TMEM171: variants seen among roughly 807,000 people sequenced by gnomAD.
TMEM171 encodes the protein transmembrane protein 171.
Under a neutral mutation model 19.1 loss-of-function variants are expected in TMEM171, and 16 were observed. The ratio of observed to expected loss-of-function variants is 0.84; its 90% CI spans 0.57 to 1.27. The LOEUF is 1.27. TMEM171 is among the 50% of genes most tolerant of loss of function. The probability of loss-of-function intolerance (pLI) is 0.00; values close to 1 mark genes in which losing one functional copy is unlikely to be tolerated. For missense variants in TMEM171, 429 were observed against 412.7 expected (o/e 1.04, Z -0.34); for synonymous variants, 153 against 163.4 (o/e 0.94, Z 0.48).
At chr5:73,128,582 A>T (rs1217414713) in intron 3 of TMEM171, 51 bp downstream of exon 3, 2 of 1,603,842 alleles carry the variant, frequency 1.2e-6, no homozygotes, top group African/African-American at 2.7e-5. Flanking sequence ...AGGCCACACT[A>T]GTATTAAGGC....
chr5:73,125,729 G>A (rs1744145109), intron 2 of TMEM171, among the ~76,000 whole-genome samples: 1 of 152,212 alleles, frequency 6.6e-6, no homozygotes, highest in African/African-American at 2.4e-5. Context: ...CCACCTGGTA[G>A]CTGGAATCAG....
At chr5:73,127,966 A>T (rs551764403) in intron 2 of TMEM171, among the ~76,000 whole-genome samples, 1 of 152,180 alleles carries the variant, frequency 6.6e-6, no homozygotes, top group Admixed American at 6.5e-5. Context: ...GCTGGTCTCC[A>T]ACTCCTGGGC....
intron 2 of TMEM171, among the ~76,000 whole-genome samples, chr5:73,127,379 AAAAAAATATATAT>A (rs1456007630): frequency 3.4e-5 from 3 of 88,566 alleles, no homozygotes; most frequent in African/African-American, 1.4e-4. Context: ...TAAAAAAAAA[AAAAAAATATATAT>A]ATATATATAT....
chr5:73,123,899 T>C lies in TMEM171; in HGVS notation c.526T>C (p.Cys176Arg). The change falls in exon 2 of 4, where the codon TGT becomes CGT. Residue 176 changes from cysteine (C) to arginine (R), a missense_variant. Transcript: ENST00000454765. Reference protein sequence around the residue: ...MGPLIVLVGLCFFVVAHVKKR... With the variant: ...MGPLIVLVGLRFFVVAHVKKR... ...GCCCTTGATTGTGCTTGTGGGATTG[T>C]GTTTCTTCGTGGTTGCCCATGTTAA... The C allele has an allele frequency of 6.2e-7, 1 of 1,614,070 alleles. No homozygotes were observed. Among genetic ancestry groups the C allele is most frequent in the Non-Finnish European group, 8.5e-7 (1 of 1,179,988 alleles).
In TMEM171 at chr5:73,128,049, C is replaced by A. The variant is rs185907612; in HGVS notation, c.641-341C>A. 3.4e-3 allele frequency among the ~76,000 whole-genome samples: 524 copies of A among 152,206 alleles called. 3 individuals carry two copies. The highest frequency in any genetic ancestry group is 0.012 in the African/African-American group (497 of 41,522). On this transcript the variant is annotated intron_variant, in intron 2 of 3. Transcript: ENST00000454765. ...TGTGAGCCACTGCACCCAGCCAAAC[C>A]GTTTTTAAATGGTTTAGTGGCATTG...
Position 73,128,458 on chromosome 5 carries a change from G to A in TMEM171, c.709G>A (p.Ala237Thr), listed in dbSNP as rs186159238. Reference protein sequence around the residue: ...YFPESSASAVAESPGTNSLLP... With the variant: ...YFPESSASAVTESPGTNSLLP... ...TCCTGAATCTTCAGCTTCTGCGGTC[G>A]CTGAGAGTCCTGGAACTAACAGTCT... The change falls in exon 3 of 4, where the codon GCT becomes ACT. Residue 237 changes from alanine to threonine, a missense_variant. Ala to Thr is a moderately conservative substitution (Grantham distance 58). Transcript: ENST00000454765. 679 of 1,613,948 alleles carry A rather than the reference G, an allele frequency of 4.2e-4. 5 individuals are homozygous for A. Among genetic ancestry groups the A allele is most frequent in the South Asian group, 3.9e-3 (354 of 91,064 alleles).
chr5:73,127,384 A>AAAAAAAATATATATATATATATAT, intron 2 of TMEM171, among the ~76,000 whole-genome samples: 4 of 81,692 alleles, frequency 4.9e-5, no homozygotes, highest in African/African-American at 2.6e-4. Flanking sequence ...AAAAAAAAAA[A>AAAAAAAATATATATATATATATAT]ATATATATAT....
Position 73,123,586 on chromosome 5 carries a change from T to C in TMEM171, c.213T>C (p.Leu71=). Residue 71 remains leucine (L), a synonymous_variant, in exon 2 of 4, where the codon CTT becomes CTC. Transcript: ENST00000454765. The part of the protein sequence containing the change: ...VAGPACAVVG[L]GAVILARSRA... Reference sequence around the variant, plus strand: ...GGCCTGCATGTGCCGTGGTTGGGCTTGGGGCTGTGATCCTGGCCCGCTCCC... The same window carrying C: ...GGCCTGCATGTGCCGTGGTTGGGCTCGGGGCTGTGATCCTGGCCCGCTCCC... The C allele has an allele frequency of 6.2e-7, 1 of 1,614,218 alleles. No homozygotes were observed. Among genetic ancestry groups the C allele is most frequent in the Non-Finnish European group, 8.5e-7 (1 of 1,180,042 alleles).
chr5:73,126,654 A>C (rs1273044282), intron 2 of TMEM171, among the ~76,000 whole-genome samples: 2 of 152,058 alleles, frequency 1.3e-5, no homozygotes, highest in Non-Finnish European at 2.9e-5. Flanking sequence ...CCTGGCCTGC[A>C]GTTTACAGCT....
chr5:73,127,384 A>AAAATATATAT lies in TMEM171; in HGVS notation c.641-1005_641-1004insAATATATATA. On this transcript the variant is annotated intron_variant, in intron 2 of 3. Coordinates refer to ENST00000454765, the MANE Select transcript of TMEM171 (RefSeq NM_173490.8). ...AAATTTGTGGTAAAAAAAAAAAAAA[A>AAAATATATAT]ATATATATATATATATATATATAAA... 1.1e-4 allele frequency among the ~76,000 whole-genome samples: 9 copies of AAAATATATAT among 81,678 alleles called. No individual in the cohort carries two copies. The South Asian group carries it at 2.2e-3, about 20-fold the overall frequency. 53.6% of individuals were successfully genotyped at this position (81,678 alleles called of 152,430 possible). A position where few individuals can be genotyped will look rare whatever the true frequency, so the allele number is the denominator to read the frequency against.
chr5:73,123,629 C>G lies in TMEM171; in HGVS notation c.256C>G (p.Arg86Gly), dbSNP rs637450. ...CCGCTCCCGGGCGCAACTTCAGCTC[C>G]GTGCAGGGCTGCAGAGAGGTCAGCA... ...LARSRAQLQL[R>G]AGLQRGQQMD... is the part of the protein sequence containing the mutation. Residue 86 changes from arginine to glycine, a missense_variant, in exon 2 of 4, where the codon CGT (arginine) becomes GGT (glycine). Coordinates refer to ENST00000454765, the MANE Select transcript of TMEM171 (RefSeq NM_173490.8). The G allele has an allele frequency of 0.28, 454,144 of 1,613,726 alleles. 69,746 individuals are homozygous for G. The highest frequency in any genetic ancestry group is 0.57 in the East Asian group (25,647 of 44,840).
rs765278051 is a variant in TMEM171, at chr5:73,123,605, C to A, written c.232C>A (p.Arg78Ser). ...TGGGCTTGGGGCTGTGATCCTGGCC[C>A]GCTCCCGGGCGCAACTTCAGCTCCG... ...VVGLGAVILA[R>S]SRAQLQLRAG... Residue 78 changes from arginine (R) to serine (S), a missense_variant, in exon 2 of 4, where the codon CGC becomes AGC. Arg to Ser is a moderately radical substitution (Grantham distance 110). Transcript: ENST00000454765. 2.1e-5 allele frequency: 34 copies of A among 1,614,096 alleles called. 1 individual carries two copies. The South Asian group carries it at 3.5e-4, about 17-fold the overall frequency.
chr5:73,123,998 G>A lies in TMEM171; in HGVS notation c.625G>A (p.Val209Ile). The A allele has an allele frequency of 1.3e-6, 2 of 1,557,952 alleles. No homozygotes were observed. Among genetic ancestry groups the A allele is most frequent in the Non-Finnish European group, 1.7e-6 (2 of 1,154,360 alleles). Residue 209 changes from valine to isoleucine, a missense_variant, in exon 2 of 4, where the codon GTC (valine) becomes ATC (isoleucine). Physicochemically the swap from Val to Ile is conservative, Grantham distance 29. Transcript: ENST00000454765. ...GGGACAGATCCAGATTATGGAGCCT[G>A]TCCAGGTCACTGTAGGTGGGTTGCT... ...EEGQIQIMEP[V>I]QVTVGDSVII...
rs1473011466 is a variant in TMEM171, at chr5:73,120,771, C to G, written c.-69+75C>G. The G allele has an allele frequency of 5.1e-6, 5 of 982,088 alleles. No individual in the cohort carries two copies. In the Admixed American group the frequency reaches 2.5e-4, roughly 49 times the overall value. The allele number at this position is 982,088 out of a possible 1,614,324, so 60.8% of individuals were successfully genotyped here. The stretch of plus-strand genomic sequence containing the variant: ...CTGAGCTGTGCGGCCAGGCTGGGCG[C>G]GGGGAGCCGCGGCAGCGCGGAGGCG... On this transcript the variant is annotated intron_variant, in intron 1 of 3. Transcript: ENST00000454765.
intron 1 of TMEM171, among the ~76,000 whole-genome samples, chr5:73,122,080 C>G (rs762097068): frequency 6.6e-6 from 1 of 152,210 alleles, no homozygotes; most frequent in Non-Finnish European, 1.5e-5. Context: ...AAGTACAGGG[C>G]TTGGGTGATT....
intron 2 of TMEM171, among the ~76,000 whole-genome samples, chr5:73,126,057 A>G (rs527847628): frequency 1.3e-5 from 2 of 152,334 alleles, no homozygotes; most frequent in East Asian, 3.9e-4. Context: ...GGGAACTCGC[A>G]GAGGAGAGGC....
chr5:73,130,387 T>C (rs1371283507), intron 3 of TMEM171, among the ~76,000 whole-genome samples: 2 of 152,176 alleles, frequency 1.3e-5, no homozygotes, highest in African/African-American at 2.4e-5. Context: ...TTGCTTCACA[T>C]TGTCACAGGG....
chr5:73,126,130 G>A (rs571079787), intron 2 of TMEM171, among the ~76,000 whole-genome samples: 12 of 152,308 alleles, frequency 7.9e-5, no homozygotes, highest in African/African-American at 2.4e-4. Context: ...CAAAGGGCTG[G>A]AGACCCTTGG....
intron 3 of TMEM171, 105 bp downstream of exon 3, chr5:73,128,636 G>A: frequency 1.4e-6 from 2 of 1,433,578 alleles, no homozygotes; most frequent in Non-Finnish European, 1.9e-6. Flanking sequence ...TATCTTTTTT[G>A]CTGATGTTAT....
Sources: allele counts gnomAD v4.1 joint callset (sites outside exome capture counted in the v4.1 genomes callset), GRCh38; gene constraint gnomAD v4.1.1; transcripts MANE v1.5; gene names NCBI Gene and HGNC (gene_info 2026-07-23, HGNC 2026-07-21).